Variants in SEL1L observed in about 807,000 individuals in gnomAD.
SEL1L encodes the protein protein sel-1 homolog 1.
SEL1L carries 52 observed loss-of-function variants against 109.8 expected under a neutral mutation model. That is an observed-to-expected ratio of 0.47 (90% confidence interval 0.38 to 0.60). The LOEUF is 0.60. SEL1L is among the 20% of genes least tolerant of loss of function. SEL1L has a pLI of 0.00. For synonymous variants in SEL1L, 373 were observed against 339.6 expected (o/e 1.10, Z -1.08); for missense variants, 749 against 962.2 (o/e 0.78, Z 2.93).
rs114086597 is a variant in SEL1L, at chr14:81,509,752, C to T, written c.341-3511G>A. On this transcript the variant is annotated intron_variant, in intron 3 of 20. Transcript: ENST00000336735. The stretch of plus-strand genomic sequence containing the variant: ...TTAATACAATCTCTTCAAGAGGGGG[C>T]ATTTGGTAATATCTGTTAAAATGTA... Among the ~76,000 whole-genome samples the T allele has an allele frequency of 5.9e-3, 902 of 152,242 alleles. 8 individuals are homozygous for T. Among genetic ancestry groups the T allele is most frequent in the African/African-American group, 0.02 (844 of 41,532 alleles).
intron 3 of SEL1L, among the ~76,000 whole-genome samples, chr14:81,518,636 G>C (rs1176409845): frequency 1.3e-5 from 2 of 149,504 alleles, no homozygotes; most frequent in African/African-American, 5.0e-5. Context: ...CTCCAACCTG[G>C]GGGACAAGAG....
intron 3 of SEL1L, among the ~76,000 whole-genome samples, chr14:81,526,306 T>G (rs1332905260): frequency 2.0e-5 from 3 of 152,174 alleles, no homozygotes; most frequent in African/African-American, 7.2e-5. Context: ...TAAATCAAAT[T>G]ACCTAGGATG....
intron 1 of SEL1L, among the ~76,000 whole-genome samples, chr14:81,530,517 C>G (rs961739225): frequency 4.6e-5 from 7 of 152,124 alleles, no homozygotes; most frequent in African/African-American, 1.7e-4. Flanking sequence ...ACCTGAAATA[C>G]CTGGCAGTGG....
intron 11 of SEL1L, among the ~76,000 whole-genome samples, chr14:81,494,635 C>A (rs552618154): frequency 1.7e-4 from 26 of 152,270 alleles, no homozygotes; most frequent in African/African-American, 6.0e-4. Context: ...TCTTTTTGGC[C>A]TGGAAGGACC....
At chr14:81,492,859 C>T (rs1049696746) in intron 11 of SEL1L, among the ~76,000 whole-genome samples, 1 of 152,168 alleles carries the variant, frequency 6.6e-6, no homozygotes, top group Non-Finnish European at 1.5e-5. Flanking sequence ...CATCAGCCTG[C>T]TTAAAAGACA....
chr14:81,482,704 A>C (rs1231079945), intron 19 of SEL1L, among the ~76,000 whole-genome samples: 1 of 152,222 alleles, frequency 6.6e-6, no homozygotes, highest in Admixed American at 6.5e-5. Context: ...TAATATTAGT[A>C]ATATTCTAAG....
At chr14:81,523,247 G>T (rs979583645) in intron 3 of SEL1L, among the ~76,000 whole-genome samples, 3 of 152,068 alleles carry the variant, frequency 2.0e-5, no homozygotes, top group African/African-American at 7.2e-5. Context: ...ACCTCAGAAG[G>T]GCAGAGGAGC....
intron 14 of SEL1L, 123 bp from the exon 15 acceptor site, chr14:81,488,065 G>T (rs1883383978): frequency 1.5e-6 from 1 of 668,612 alleles, no homozygotes; most frequent in Non-Finnish European, 2.5e-6. Context: ...CCATTAAAAA[G>T]ACCACTTTCT....
intron 3 of SEL1L, among the ~76,000 whole-genome samples, chr14:81,506,795 A>G (rs1022011765): frequency 2.0e-5 from 3 of 152,266 alleles, no homozygotes; most frequent in Admixed American, 2.0e-4. Flanking sequence ...AAGGGTAGAG[A>G]CTGCATCTGT....
Position 81,499,531 on chromosome 14 carries a change from A to C in SEL1L, c.832-13T>G, listed in dbSNP as rs755727413. On this transcript the variant is annotated splice_polypyrimidine_tract_variant and intron_variant, in intron 7 of 20. Coordinates refer to ENST00000336735, the MANE Select transcript of SEL1L (RefSeq NM_005065.6). ...AATATACAAGAGCCTGTGAAAGAAC[A>C]AAACATGTTTAACTGAACATAGGCA... 1.9e-6 allele frequency: 3 copies of C among 1,609,978 alleles called. No homozygotes were observed. The highest frequency in any genetic ancestry group is 2.5e-6 in the Non-Finnish European group (3 of 1,179,020).
intron 20 of SEL1L, 98 bp from the exon 21 acceptor site, chr14:81,477,279 A>G: frequency 1.0e-6 from 1 of 995,400 alleles, no homozygotes; most frequent in Non-Finnish European, 1.5e-6. Flanking sequence ...AAATTAAAAT[A>G]ATTTGTTTTA....
intron 6 of SEL1L, among the ~76,000 whole-genome samples, chr14:81,502,258 C>T (rs1413219586): frequency 6.6e-6 from 1 of 151,944 alleles, no homozygotes; most frequent in Non-Finnish European, 1.5e-5. Context: ...TATATTATTA[C>T]TCATATTTGG....
intron 19 of SEL1L, among the ~76,000 whole-genome samples, chr14:81,481,018 T>C (rs1263132707): frequency 6.6e-6 from 1 of 152,066 alleles, no homozygotes; most frequent in Non-Finnish European, 1.5e-5. Context: ...CCTCAGGGGC[T>C]ACCACCGGAA....
intron 3 of SEL1L, among the ~76,000 whole-genome samples, chr14:81,518,530 G>A (rs1426329278): frequency 6.6e-6 from 1 of 151,356 alleles, no homozygotes; most frequent in Non-Finnish European, 1.5e-5. Context: ...TGTGGTGGCA[G>A]GTGCCTGTAA....
At chr14:81,514,547 C>T (rs1040727093) in intron 3 of SEL1L, among the ~76,000 whole-genome samples, 4 of 152,130 alleles carry the variant, frequency 2.6e-5, no homozygotes, top group Non-Finnish European at 5.9e-5. Flanking sequence ...TTTGAGAATG[C>T]GTTGGTAAGG....
chr14:81,524,873 C>CA (rs200513157), intron 3 of SEL1L, among the ~76,000 whole-genome samples: 50 of 149,070 alleles, frequency 3.4e-4, no homozygotes, highest in South Asian at 8.5e-4. Flanking sequence ...GACTCTGTCT[C>CA]AAAAAAAAAG....
At position 81,487,791 on chromosome 14, in the gene SEL1L, AT is replaced by A. The variant is rs1461835915; in HGVS notation, c.1483+63del. On this transcript the variant is annotated intron_variant, in intron 15 of 20. Transcript: ENST00000336735. The stretch of plus-strand genomic sequence containing the variant: ...GCACCCATTTCCACATCATAATGCC[AT>A]CTAGTAGAAAACAGCTTAATTTAGA... 3 of 1,600,292 alleles carry A rather than the reference AT, an allele frequency of 1.9e-6. No individual in the cohort carries two copies. In the East Asian group the frequency reaches 6.7e-5, roughly 36 times the overall value.
intron 1 of SEL1L, among the ~76,000 whole-genome samples, chr14:81,532,939 T>TA (rs1238408808): frequency 4.6e-5 from 7 of 151,980 alleles, no homozygotes; most frequent in African/African-American, 1.7e-4. Context: ...ATTAAAACAT[T>TA]AAAAAAGGGG....
At chr14:81,478,910 T>G (rs931398582) in intron 20 of SEL1L, among the ~76,000 whole-genome samples, 3 of 152,226 alleles carry the variant, frequency 2.0e-5, no homozygotes, top group Admixed American at 2.0e-4. Flanking sequence ...TTCCTTGTCC[T>G]GAATAAGCCT....
Sources: allele counts gnomAD v4.1 joint callset (sites outside exome capture counted in the v4.1 genomes callset), GRCh38; gene constraint gnomAD v4.1.1; transcripts MANE v1.5; gene names NCBI Gene and HGNC (gene_info 2026-07-23, HGNC 2026-07-21).